Variants in LYPD1 observed in about 807,000 individuals in gnomAD.
LYPD1 encodes ly6/PLAUR domain-containing protein 1.
LYPD1 carries 14 observed loss-of-function variants against 14.2 expected under a neutral mutation model. The ratio of observed to expected loss-of-function variants is 0.99; its 90% CI spans 0.65 to 1.54. The LOEUF is 1.54. LYPD1 is among the 40% of genes most tolerant of loss of function. LYPD1 has a pLI of 0.00. For synonymous variants in LYPD1, 85 were observed against 70.6 expected (o/e 1.20, Z -1.02); for missense variants, 165 against 175.7 (o/e 0.94, Z 0.34).
rs1469625928 is a variant in LYPD1 at position 132,645,887 on chromosome 2, G to C, written c.*158C>G. ...CTGAATTTATTCAGAATGCTTTACC[G>C]AGCTCTTTCATTATTTGCACAGGAA... On this transcript the variant is annotated 3_prime_UTR_variant, in exon 3 of 3. Transcript: ENST00000397463. 3 of 661,340 alleles carry C rather than the reference G, an allele frequency of 4.5e-6. No individual in the cohort carries two copies. Among genetic ancestry groups the C allele is most frequent in the Non-Finnish European group, 7.6e-6 (3 of 396,812 alleles). 41.0% of individuals were successfully genotyped at this position (661,340 alleles called of 1,614,324 possible). A position where few individuals can be genotyped will look rare whatever the true frequency, so the allele number is the denominator to read the frequency against.
rs1413273756 is a variant in LYPD1, at chr2:132,643,986, A to C, written c.*2059T>G. 3.3e-5 allele frequency among the ~76,000 whole-genome samples: 5 copies of C among 152,214 alleles called. No homozygotes were observed. The highest frequency in any genetic ancestry group is 1.2e-4 in the African/African-American group (5 of 41,456). ...GAAGGAAGCATTTCTGAAAATGCAA[A>C]TCCTGCTTTAAGGTAGCAGCTCTCT... On this transcript the variant is annotated 3_prime_UTR_variant, in exon 3 of 3. Coordinates refer to ENST00000397463, the MANE Select transcript of LYPD1 (RefSeq NM_144586.7).
intron 2 of LYPD1, among the ~76,000 whole-genome samples, chr2:132,666,229 T>C (rs775330411): frequency 6.6e-6 from 1 of 152,206 alleles, no homozygotes; most frequent in Non-Finnish European, 1.5e-5. Flanking sequence ...TCTATCCTTA[T>C]TGGCAAAAAA....
Position 132,646,033 on chromosome 2 carries a change from T to G in LYPD1, c.*12A>C. ...AAGAACAATGCAGGAGGGGGTGGCA[T>G]CTCCTTCAGCTTCAGCAGTGTGCCG... On this transcript the variant is annotated 3_prime_UTR_variant, in exon 3 of 3. Transcript: ENST00000397463. 6.6e-7 allele frequency: 1 copy of G among 1,520,154 alleles called. No homozygotes were observed. The highest frequency in any genetic ancestry group is 8.9e-7 in the Non-Finnish European group (1 of 1,129,624). The allele number at this position is 1,520,154 out of a possible 1,614,324, so 94.2% of individuals were successfully genotyped here. A position where few individuals can be genotyped will look rare whatever the true frequency, so the allele number is the denominator to read the frequency against.
intron 2 of LYPD1, among the ~76,000 whole-genome samples, chr2:132,668,192 C>G (rs1683391925): frequency 6.9e-6 from 1 of 144,884 alleles, no homozygotes; most frequent in Non-Finnish European, 1.5e-5. Flanking sequence ...TCCCAAGACC[C>G]TTGGGGAGAA....
chr2:132,670,231 C>A, upstream of LYPD1: 1 of 798,204 alleles, frequency 1.3e-6, no homozygotes, highest in Non-Finnish European at 1.7e-6. This position sits in a 1 kb window ranked among gnomAD's most constrained non-coding sequence, Gnocchi z 4.5. Flanking sequence ...GGAGCACCCA[C>A]AAAAGTCTCG....
At chr2:132,665,165 T>A (rs987679598) in intron 2 of LYPD1, among the ~76,000 whole-genome samples, 15 of 152,208 alleles carry the variant, frequency 9.9e-5, no homozygotes, top group Non-Finnish European at 2.1e-4. Context: ...ATTTCAAACA[T>A]ACTTCCCAAT....
intron 2 of LYPD1, chr2:132,666,992 TC>T (rs1227001044): frequency 7.9e-5 from 12 of 152,208 alleles, no homozygotes; most frequent in Non-Finnish European, 8.8e-5. Flanking sequence ...TAACAGTAAT[TC>T]TGACTAAAAT....
At chr2:132,670,221 G>A, upstream of LYPD1, 1 of 918,972 alleles carries the variant, frequency 1.1e-6, no homozygotes, top group Admixed American at 4.5e-5. This position sits in a 1 kb window ranked among gnomAD's most constrained non-coding sequence, Gnocchi z 4.5. Flanking sequence ...CTGGCGATCG[G>A]GAGCACCCAC....
intron 1 of LYPD1, among the ~76,000 whole-genome samples, chr2:132,668,923 C>G (rs1683455790): frequency 1.3e-5 from 2 of 152,234 alleles, no homozygotes; most frequent in Non-Finnish European, 2.9e-5. Context: ...TAATTGGTTA[C>G]AAATTACTTA....
intron 2 of LYPD1, among the ~76,000 whole-genome samples, chr2:132,647,280 G>A (rs1558873817): frequency 6.6e-6 from 1 of 152,216 alleles, no homozygotes; most frequent in Non-Finnish European, 1.5e-5. Flanking sequence ...AGGAAGTGGA[G>A]CAGCTGGGAT....
Position 132,669,740 on chromosome 2 carries a change from C to A in LYPD1, c.52+141G>T. The A allele has an allele frequency of 6.9e-7, 1 of 1,447,938 alleles. No homozygotes were observed. Among genetic ancestry groups the A allele is most frequent in the Non-Finnish European group, 9.1e-7 (1 of 1,103,712 alleles). The allele number at this position is 1,447,938 out of a possible 1,614,324, so 89.7% of individuals were successfully genotyped here. A position where few individuals can be genotyped will look rare whatever the true frequency, so the allele number is the denominator to read the frequency against. On this transcript the variant is annotated intron_variant, in intron 1 of 2. Transcript: ENST00000397463. The surrounding 1 kb of genome is among the most constrained non-coding windows in gnomAD (Gnocchi z 4.3). Reference sequence around the variant, plus strand: ...ACTTTCCCAGCCTCGCGCCCCGGGGCACCAGTCGCGGCCGCCAACTCCCGC... The same window carrying A: ...ACTTTCCCAGCCTCGCGCCCCGGGGAACCAGTCGCGGCCGCCAACTCCCGC...
chr2:132,651,304 G>A (rs1484585568), intron 2 of LYPD1, among the ~76,000 whole-genome samples: 1 of 152,110 alleles, frequency 6.6e-6, no homozygotes, highest in Non-Finnish European at 1.5e-5. Flanking sequence ...AGGGCTCTAG[G>A]GAATGACCAC....
intron 2 of LYPD1, among the ~76,000 whole-genome samples, chr2:132,657,537 G>C (rs953806399): frequency 3.9e-5 from 6 of 152,138 alleles, no homozygotes; most frequent in African/African-American, 1.4e-4. Context: ...GAGAGTCCTT[G>C]GTGGCATAAC....
chr2:132,662,933 T>C (rs1389769813), intron 2 of LYPD1: 1 of 152,184 alleles, frequency 6.6e-6, no homozygotes, highest in Non-Finnish European at 1.5e-5. Flanking sequence ...AGCTGGAAAG[T>C]TAACATAAAC....
intron 2 of LYPD1, among the ~76,000 whole-genome samples, chr2:132,649,205 TG>T (rs1682261627): frequency 6.6e-6 from 1 of 151,906 alleles, no homozygotes; most frequent in South Asian, 2.1e-4. Context: ...CTAATAGAAA[TG>T]GGGAAATTTG....
intron 2 of LYPD1, among the ~76,000 whole-genome samples, chr2:132,662,736 C>T (rs939431904): frequency 3.9e-5 from 6 of 152,164 alleles, no homozygotes; most frequent in East Asian, 1.9e-4. Flanking sequence ...TTTCATACTT[C>T]GTTTCATTTT....
In LYPD1 at chr2:132,645,472, T is replaced by G. The variant is rs570349318; in HGVS notation, c.*573A>C. The G allele has an allele frequency of 6.2e-7, 1 of 1,614,052 alleles. No individual in the cohort carries two copies. The highest frequency in any genetic ancestry group is 1.7e-5 in the Admixed American group (1 of 60,026). ...TGCAAGGAGAACTGAGAAGATTTTCTTAAGCACTTTTCAGAGCGAGGCCGA... is the reference window on the plus strand; with the variant it reads ...TGCAAGGAGAACTGAGAAGATTTTCGTAAGCACTTTTCAGAGCGAGGCCGA... On this transcript the variant is annotated 3_prime_UTR_variant, in exon 3 of 3. Coordinates refer to ENST00000397463, the MANE Select transcript of LYPD1 (RefSeq NM_144586.7).
At chr2:132,649,575 T>C (rs1355974332) in intron 2 of LYPD1, among the ~76,000 whole-genome samples, 1 of 152,152 alleles carries the variant, frequency 6.6e-6, no homozygotes, top group Admixed American at 6.5e-5. Context: ...CACAGGCTGC[T>C]AGGTAGCTTT....
intron 2 of LYPD1, among the ~76,000 whole-genome samples, chr2:132,659,437 C>T (rs978056127): frequency 2.0e-5 from 3 of 152,104 alleles, no homozygotes; most frequent in African/African-American, 4.8e-5. Context: ...AAATGAAAGC[C>T]GTGAATGAAG....
Sources: gnomAD v4.1 joint callset for allele counts (sites outside exome capture counted in the v4.1 genomes callset) on GRCh38, gnomAD v4.1.1 for gene constraint, Gnocchi (gnomAD v3.1) non-coding constraint, MANE v1.5 for transcripts, NCBI Gene and HGNC (gene_info 2026-07-23, HGNC 2026-07-21) for gene names.